PRSS12: variants seen among roughly 807,000 people sequenced by gnomAD.
PRSS12 encodes the protein serine protease 12, also known as neurotrypsin.
A neutral mutation model predicts 104.4 loss-of-function variants in PRSS12; 85 were observed. The ratio of observed to expected loss-of-function variants is 0.81; its 90% CI spans 0.68 to 0.98. The LOEUF (loss-of-function observed/expected upper bound fraction) is 0.98. Ranked by LOEUF, PRSS12 falls within the 50% of genes least tolerant of loss-of-function variation. The pLI is 0.00. For synonymous variants in PRSS12, 454 were observed against 425.2 expected, an observed-to-expected ratio of 1.07 and a Z score of -0.83; for missense variants, 1,141 against 1,139.2, an observed-to-expected ratio of 1.00 and a Z score of -0.02.
At chr4:118,347,167 T>C (rs777554030) in intron 1 of PRSS12, among the ~76,000 whole-genome samples, 4 of 152,154 alleles carry the variant, frequency 2.6e-5, no homozygotes, top group South Asian at 4.1e-4. Flanking sequence ...GAAAAGCAGA[T>C]TGAGCTCAAT....
chr4:118,351,220 T>C (rs1029183585), intron 1 of PRSS12, among the ~76,000 whole-genome samples: 1 of 152,144 alleles, frequency 6.6e-6, no homozygotes, highest in African/African-American at 2.4e-5. Flanking sequence ...AAGTACAAAG[T>C]ACAATATGAT....
intron 7 of PRSS12, among the ~76,000 whole-genome samples, chr4:118,310,715 T>C (rs1743688547): frequency 6.6e-6 from 1 of 152,180 alleles, no homozygotes; most frequent in South Asian, 2.1e-4. Context: ...TACTGTCTTT[T>C]AGAAAAAAGA....
chr4:118,349,453 G>C (rs190277005), intron 1 of PRSS12, among the ~76,000 whole-genome samples: 1 of 150,862 alleles, frequency 6.6e-6, no homozygotes, highest in Non-Finnish European at 1.5e-5. Context: ...TTAAGCATAA[G>C]AGACTGTAAA....
At chr4:118,287,407 C>G (rs965594130) in intron 11 of PRSS12, among the ~76,000 whole-genome samples, 1 of 152,156 alleles carries the variant, frequency 6.6e-6, no homozygotes, top group Non-Finnish European at 1.5e-5. Context: ...GCCTTGGCCT[C>G]CTGAAGTGCT....
intron 1 of PRSS12, among the ~76,000 whole-genome samples, chr4:118,348,061 C>T (rs2126046367): frequency 6.6e-6 from 1 of 152,202 alleles, no homozygotes; most frequent in Middle Eastern, 3.4e-3. Flanking sequence ...AAAACTCCAT[C>T]TCTACAAACA....
chr4:118,285,902 T>C (rs750689337), intron 11 of PRSS12, among the ~76,000 whole-genome samples: 4 of 152,210 alleles, frequency 2.6e-5, no homozygotes, highest in East Asian at 1.9e-4. Flanking sequence ...GCTGTGACGC[T>C]TGGCTAAATT....
intron 8 of PRSS12, among the ~76,000 whole-genome samples, chr4:118,299,779 T>TAAAAA: frequency 1.5e-5 from 1 of 65,276 alleles, no homozygotes; most frequent in Non-Finnish European, 3.4e-5. Flanking sequence ...TAAAATAAAA[T>TAAAAA]AAAATAAAAT....
At chr4:118,339,937 T>C (rs1724158152) in intron 1 of PRSS12, among the ~76,000 whole-genome samples, 1 of 152,206 alleles carries the variant, frequency 6.6e-6, no homozygotes, top group East Asian at 1.9e-4. Flanking sequence ...TACTAATTCC[T>C]CCCCTTAATC....
chr4:118,280,230 C>T lies in PRSS12; in HGVS notation c.*1706G>A, dbSNP rs571859180. 3 of 152,300 alleles carry T rather than the reference C, an allele frequency of 2.0e-5. No individual in the cohort carries two copies. Among genetic ancestry groups the T allele is most frequent in the African/African-American group, 4.8e-5 (2 of 41,562 alleles). 9.4% of individuals were successfully genotyped at this position (152,300 alleles called of 1,614,324 possible). The stretch of plus-strand genomic sequence containing the variant: ...ATCTACTTGAAACAGATGTTGCTTG[C>T]CCCAACACTAGTTTAATTATAAGGG... On this transcript the variant is annotated 3_prime_UTR_variant, in exon 13 of 13. Transcript: ENST00000296498.
chr4:118,311,125 A>T (rs1476667708), intron 7 of PRSS12, among the ~76,000 whole-genome samples: 2 of 152,178 alleles, frequency 1.3e-5, no homozygotes, highest in African/African-American at 4.8e-5. Flanking sequence ...CAACAACCTC[A>T]CTGGGAAAGA....
At chr4:118,287,945 A>G (rs1015959218) in intron 11 of PRSS12, among the ~76,000 whole-genome samples, 8 of 152,194 alleles carry the variant, frequency 5.3e-5, no homozygotes, top group African/African-American at 1.9e-4. Context: ...AGTTTGAGCA[A>G]GAGAGGATCT....
intron 1 of PRSS12, among the ~76,000 whole-genome samples, chr4:118,347,619 G>C (rs1047502391): frequency 4.9e-4 from 74 of 152,314 alleles, no homozygotes; most frequent in African/African-American, 1.7e-3. Context: ...GCCAACCAGA[G>C]ACTAGAAAAG....
At position 118,331,740 on chromosome 4, in the gene PRSS12, A is replaced by G; in HGVS notation, c.947T>C (p.Val316Ala). The G allele has an allele frequency of 6.2e-7, 1 of 1,614,176 alleles. No individual in the cohort carries two copies. The highest frequency in any genetic ancestry group is 1.3e-5 in the African/African-American group (1 of 75,064). The change falls in exon 4 of 13, where the codon GTG becomes GCG. Residue 316 changes from valine to alanine, a missense_variant. By Grantham distance (64) the Val-to-Ala change is moderately conservative. Transcript: ENST00000296498. Reference protein sequence around the residue: ...DDQWDDADAEVICRQLGLSGI... With the variant: ...DDQWDDADAEAICRQLGLSGI... ...CCTGAGGCCCAGCTGCCTGCAGATC[A>G]CTTCTGCATCGGCATCATCCCATTG...
At chr4:118,325,014 T>G (rs1723733315) in intron 4 of PRSS12, among the ~76,000 whole-genome samples, 1 of 152,140 alleles carries the variant, frequency 6.6e-6, no homozygotes, top group Non-Finnish European at 1.5e-5. Flanking sequence ...AGTTTCATTC[T>G]TTTTCATGGC....
At position 118,282,074 on chromosome 4, in the gene PRSS12, CAT is replaced by C. The variant is rs560855452; in HGVS notation, c.2488_2489del (p.Met830ValfsTer2). 2.8e-4 allele frequency: 456 copies of C among 1,614,210 alleles called. 2 individuals are homozygous for C. The highest frequency in any genetic ancestry group is 1.6e-3 in the South Asian group (148 of 91,080). ...SCQGDSGGPLMCERPGESWVV... is the reference protein window; with the variant it reads ...SCQGDSGGPLXCERPGESWVV... ...CCCAGCTCTCTCCGGGCCGTTCACA[CAT>C]GAGTGGTCCTCCGCTGTCTCCCTGG... On this transcript the variant is annotated frameshift_variant, in exon 13 of 13. Coordinates refer to ENST00000296498, the MANE Select transcript of PRSS12 (RefSeq NM_003619.4). LOFTEE classifies it high-confidence loss of function.
rs112651126 is a variant in PRSS12, at chr4:118,352,210, G to A, written c.502+9C>T. On this transcript the variant is annotated intron_variant, in intron 1 of 12. Coordinates refer to ENST00000296498, the MANE Select transcript of PRSS12 (RefSeq NM_003619.4). The stretch of plus-strand genomic sequence containing the variant: ...CCGGAGTTTCCGCGGCCGCCCCGAG[G>A]CCACTAACCGTGTCTGCAGTCGCAG... The A allele has an allele frequency of 1.9e-6, 3 of 1,611,068 alleles. No homozygotes were observed. Among genetic ancestry groups the A allele is most frequent in the African/African-American group, 1.3e-5 (1 of 74,900 alleles).
chr4:118,313,498 C>T, intron 6 of PRSS12, 101 bp from the exon 7 acceptor site: 1 of 1,254,496 alleles, frequency 8.0e-7, no homozygotes, highest in Non-Finnish European at 1.2e-6. Flanking sequence ...GACATGACTT[C>T]AGAGGATAAG....
chr4:118,346,919 T>C (rs2126045972), intron 1 of PRSS12, among the ~76,000 whole-genome samples: 1 of 152,120 alleles, frequency 6.6e-6, no homozygotes, highest in Non-Finnish European at 1.5e-5. Context: ...GCCAAAAAGG[T>C]TGGGGACTGG....
Position 118,352,957 on chromosome 4 carries a change from G to T in PRSS12, c.-237C>A, listed in dbSNP as rs886270192. On this transcript the variant is annotated 5_prime_UTR_variant, in exon 1 of 13. Coordinates refer to ENST00000296498, the MANE Select transcript of PRSS12 (RefSeq NM_003619.4). Reference sequence around the variant, plus strand: ...GTGGGGAAATCTGGAGCTCAGCCGAGCCCCGGCCGGCGGAGAGGACCGGAA... The same window carrying T: ...GTGGGGAAATCTGGAGCTCAGCCGATCCCCGGCCGGCGGAGAGGACCGGAA... The T allele has an allele frequency of 2.7e-6, 3 of 1,110,538 alleles. No homozygotes were observed. The highest frequency in any genetic ancestry group is 3.6e-6 in the Non-Finnish European group (3 of 839,548). 68.8% of individuals were successfully genotyped at this position (1,110,538 alleles called of 1,614,324 possible). A position where few individuals can be genotyped will look rare whatever the true frequency, so the allele number is the denominator to read the frequency against.
Sources: gnomAD v4.1 joint callset for allele counts (sites outside exome capture counted in the v4.1 genomes callset) on GRCh38, gnomAD v4.1.1 for gene constraint, MANE v1.5 for transcripts, NCBI Gene and HGNC (gene_info 2026-07-23, HGNC 2026-07-21) for gene names.